BAG6: variants seen among roughly 807,000 people sequenced by gnomAD.
BAG6 encodes BAG cochaperone 6.
Under a neutral mutation model 121.0 loss-of-function variants are expected in BAG6, and 22 were observed. That is an observed-to-expected ratio of 0.18 (90% CI 0.13 to 0.26). The LOEUF is 0.26. BAG6 is among the 10% of genes least tolerant of loss of function. BAG6 has a pLI of 1.00. For missense variants in BAG6, 1,233 were observed against 1,537.7 expected (o/e 0.80, Z 3.31); for synonymous variants, 583 against 584.6 (o/e 1.00, Z 0.04).
chr6:31,649,753 C>T (rs1289011148), intron 2 of BAG6, 126 bp from the exon 3 acceptor site: 18 of 779,238 alleles, frequency 2.3e-5, no homozygotes, highest in Non-Finnish European at 8.8e-6. Flanking sequence ...TTGTCTTGAC[C>T]GTGAGATCAT....
rs9281540 is a variant in BAG6 at position 31,643,721 on chromosome 6, C to CAAAAAAAAAAAA, written c.1756+157_1756+168dup. ...CTAGCAACAGAGTGAGACTCCATCT[C>CAAAAAAAAAAAA]AAAAAAAAAAAAAAAAAAAAAAAAA... On this transcript the variant is annotated intron_variant, in intron 14 of 25. Transcript: ENST00000676615. Among the ~76,000 whole-genome samples the CAAAAAAAAAAAA allele has an allele frequency of 1.8e-3, 122 of 66,262 alleles. 5 individuals are homozygous for CAAAAAAAAAAAA. The highest frequency in any genetic ancestry group is 3.5e-3 in the African/African-American group (33 of 9,384). 43.5% of individuals were successfully genotyped at this position (66,262 alleles called of 152,430 possible). A position where few individuals can be genotyped will look rare whatever the true frequency, so the allele number is the denominator to read the frequency against.
Position 31,644,157 on chromosome 6 carries a change from C to G in BAG6, c.1593G>C (p.Arg531=). The change falls in exon 13 of 26, where the codon CGG becomes CGC. Residue 531 remains arginine, a synonymous_variant. Coordinates refer to ENST00000676615, the MANE Select transcript of BAG6 (RefSeq NM_001387994.1). This position sits in a 1 kb window ranked among gnomAD's most constrained non-coding sequence, Gnocchi z 4.9. The stretch of plus-strand genomic sequence containing the variant: ...GAGGAGTGGGCCGGGCAATCACCAC[C>G]CGGGTTGGAGCTGTTGGGAAGCCTG... ...QVPGFPTAPT[R]VVIARPTPPQ... The G allele has an allele frequency of 6.2e-7, 1 of 1,613,990 alleles. No homozygotes were observed. The highest frequency in any genetic ancestry group is 8.5e-7 in the Non-Finnish European group (1 of 1,179,976).
chr6:31,643,024 G>A lies in BAG6; in HGVS notation c.1848C>T (p.Pro616=), dbSNP rs759687609. 1.3e-5 allele frequency: 21 copies of A among 1,589,176 alleles called. 1 individual carries two copies. Among genetic ancestry groups the A allele is most frequent in the South Asian group, 8.0e-5 (7 of 87,488 alleles). Residue 616 remains proline, a synonymous_variant, in exon 15 of 26, where the codon CCC becomes CCT. Coordinates refer to ENST00000676615, the MANE Select transcript of BAG6 (RefSeq NM_001387994.1). Reference sequence around the variant, plus strand: ...GAGGCTGGGCAGGCCCCCCAGGAGCGGGGCCAGCTGTGGTAGCTGTGTTGG... The same window carrying A: ...GAGGCTGGGCAGGCCCCCCAGGAGCAGGGCCAGCTGTGGTAGCTGTGTTGG... ...GTTNTATTAG[P]APGGPAQPPP... is the part of the protein sequence containing the mutation.
rs1258499978 is a variant in BAG6, at chr6:31,644,221, A to T, written c.1556-27T>A. 6.2e-7 allele frequency: 1 copy of T among 1,601,610 alleles called. No individual in the cohort carries two copies. The highest frequency in any genetic ancestry group is 1.1e-5 in the South Asian group (1 of 89,434). On this transcript the variant is annotated intron_variant, in intron 12 of 25. Coordinates refer to ENST00000676615, the MANE Select transcript of BAG6 (RefSeq NM_001387994.1). This position sits in a 1 kb window ranked among gnomAD's most constrained non-coding sequence, Gnocchi z 4.9. ...TGTGGGTGGCAGAAGAGACAGACCG[A>T]AGAGGGCTGAGGGCCAGGCCCTTGC...
At position 31,644,987 on chromosome 6, in the gene BAG6, T is replaced by C. The variant is rs1164238863; in HGVS notation, c.1328A>G (p.Gln443Arg). The C allele has an allele frequency of 1.2e-6, 2 of 1,606,064 alleles. No homozygotes were observed. The highest frequency in any genetic ancestry group is 2.2e-5 in the South Asian group (2 of 90,462). The change falls in exon 10 of 26, where the codon CAG becomes CGG. Residue 443 changes from glutamine to arginine, a missense_variant. By Grantham distance (43) the Gln-to-Arg change is conservative (BLOSUM62 1). Coordinates refer to ENST00000676615, the MANE Select transcript of BAG6 (RefSeq NM_001387994.1). This position sits in a 1 kb window ranked among gnomAD's most constrained non-coding sequence, Gnocchi z 4.9. ...CATCATGACCACGGGTTCCACACTC[T>C]GGTGGGAAATCCGGATGACCCTCGG... is the stretch of plus-strand genomic sequence containing the variant. ...SHPRVIRISH[Q>R]SVEPVVMMHM...
At chr6:31,648,615 C>G in intron 6 of BAG6, 62 bp downstream of exon 6, 1 of 1,554,332 alleles carries the variant, frequency 6.4e-7, no homozygotes, top group Non-Finnish European at 8.8e-7. Flanking sequence ...CCCTAACTCC[C>G]AGGCTGAGAG....
rs953134030 is a variant in BAG6, at chr6:31,652,435, G to A, written c.-25C>T. On this transcript the variant is annotated 5_prime_UTR_variant, in exon 1 of 26. Coordinates refer to ENST00000676615, the MANE Select transcript of BAG6 (RefSeq NM_001387994.1). ...GGTCTCCCCCAAACCTGCCACCGAC[G>A]GCCACTTCCGTTTCCCCGATAGTAT... 2 of 150,016 alleles carry A rather than the reference G, an allele frequency of 1.3e-5. No homozygotes were observed. The highest frequency in any genetic ancestry group is 3.0e-5 in the Non-Finnish European group (2 of 67,708). 9.3% of individuals were successfully genotyped at this position (150,016 alleles called of 1,614,324 possible).
At position 31,649,537 on chromosome 6, in the gene BAG6, G is replaced by C. The variant is rs748565610; in HGVS notation, c.199C>G (p.Gln67Glu). Reference sequence around the variant, plus strand: ...TATTCCTGAAGCTTCTTATCATCTTGCAGAACTCGTCCCTGGTAAATGAGC... The same window carrying C: ...TATTCCTGAAGCTTCTTATCATCTTCCAGAACTCGTCCCTGGTAAATGAGC... ...QRLIYQGRVL[Q>E]DDKKLQEYNV... Residue 67 changes from glutamine (Q) to glutamate (E), a missense_variant, in exon 3 of 26, where the codon CAA becomes GAA. By Grantham distance (29) the Gln-to-Glu change is conservative. This residue lies in a region of BAG6 where 6 missense variants were observed against 24.8 expected (regional missense o/e 0.24). Coordinates refer to ENST00000676615, the MANE Select transcript of BAG6 (RefSeq NM_001387994.1). 6.2e-7 allele frequency: 1 copy of C among 1,614,152 alleles called. No individual in the cohort carries two copies. Among genetic ancestry groups the C allele is most frequent in the South Asian group, 1.1e-5 (1 of 91,078 alleles).
In BAG6 at chr6:31,644,488, C is replaced by A; in HGVS notation, c.1447+37G>T. ...CCCACTCAGCCCTTCCCTTTCTCTACCCAGAGCTCAGCCTGCCCTGATGCC... is the reference window on the plus strand; with the variant it reads ...CCCACTCAGCCCTTCCCTTTCTCTAACCAGAGCTCAGCCTGCCCTGATGCC... On this transcript the variant is annotated intron_variant, in intron 11 of 25. Coordinates refer to ENST00000676615, the MANE Select transcript of BAG6 (RefSeq NM_001387994.1). This position sits in a 1 kb window ranked among gnomAD's most constrained non-coding sequence, Gnocchi z 4.9. 1 of 1,592,310 alleles carries A rather than the reference C, an allele frequency of 6.3e-7. No homozygotes were observed. The highest frequency in any genetic ancestry group is 8.5e-7 in the Non-Finnish European group (1 of 1,169,718).
rs747605981 is a variant in BAG6 at position 31,642,328 on chromosome 6, G to A, written c.2119C>T (p.Pro707Ser). The A allele has an allele frequency of 2.0e-5, 31 of 1,553,694 alleles. No homozygotes were observed. The highest frequency in any genetic ancestry group is 2.5e-5 in the Non-Finnish European group (29 of 1,150,306). Residue 707 changes from proline (P) to serine (S), a missense_variant, in exon 16 of 26, where the codon CCA becomes TCA. By Grantham distance (74) the Pro-to-Ser change is moderately conservative. Coordinates refer to ENST00000676615, the MANE Select transcript of BAG6 (RefSeq NM_001387994.1). Reference sequence around the variant, plus strand: ...GCGCCACCAGAAGGGGAGCCTGGTGGGGGCATGGTCTGCTGCTCTGGGGCA... The same window carrying A: ...GCGCCACCAGAAGGGGAGCCTGGTGAGGGCATGGTCTGCTGCTCTGGGGCA... The part of the protein sequence containing the change: ...PPAPEQQTMP[P>S]PGSPSGGAGS...
chr6:31,642,563 C>CA, intron 15 of BAG6, 160 bp from the exon 16 acceptor site: 1 of 629,532 alleles, frequency 1.6e-6, no homozygotes, highest in Non-Finnish European at 2.8e-6. Context: ...AGGTATTTAA[C>CA]AGAGTCAGGC....
At position 31,644,878 on chromosome 6, in the gene BAG6, C is replaced by A. The variant is rs148920512; in HGVS notation, c.1369+68G>T. 13 of 1,536,420 alleles carry A rather than the reference C, an allele frequency of 8.5e-6. No homozygotes were observed. The highest frequency in any genetic ancestry group is 2.0e-4 in the Middle Eastern group (1 of 5,084). On this transcript the variant is annotated intron_variant, in intron 10 of 25. Coordinates refer to ENST00000676615, the MANE Select transcript of BAG6 (RefSeq NM_001387994.1). The surrounding 1 kb of genome is among the most constrained non-coding windows in gnomAD (Gnocchi z 4.9). ...TGCCTCTCCCTTCCCCACCCTGTTC[C>A]CTCACACCTCAGCATGAACCTCCCT...
chr6:31,645,144 T>C lies in BAG6; in HGVS notation c.1171A>G (p.Thr391Ala), dbSNP rs1379807774. Residue 391 changes from threonine (T) to alanine (A), a missense_variant, in exon 10 of 26, where the codon ACT (threonine) becomes GCT (alanine). Thr to Ala is a moderately conservative substitution (Grantham distance 58). Around this residue, in one of 7 missense-constraint regions of BAG6, gnomAD observed 777 missense variants for 861.4 expected, o/e 0.90. Transcript: ENST00000676615. ...GGGGGAGGTGCCTCTGCATTGGGAG[T>C]TGGGGGGGGCCGAGTCCCATTTCCT... ...MTGNGTRPPP[T>A]PNAEAPPPGP... The C allele has an allele frequency of 3.1e-6, 5 of 1,612,450 alleles. No homozygotes were observed. Among genetic ancestry groups the C allele is most frequent in the Admixed American group, 3.3e-5 (2 of 59,980 alleles).
Position 31,641,496 on chromosome 6 carries a change from G to C in BAG6, c.2559+43C>G. The C allele has an allele frequency of 6.2e-7, 1 of 1,613,734 alleles. No individual in the cohort carries two copies. Among genetic ancestry groups the C allele is most frequent in the South Asian group, 1.1e-5 (1 of 91,072 alleles). ...TGGGAGTGGAGGAGGCAGCTGCCTT[G>C]ACCAGACCCAGGAGAGGAAAGGAAT... is the stretch of plus-strand genomic sequence containing the variant. On this transcript the variant is annotated intron_variant, in intron 18 of 25. Coordinates refer to ENST00000676615, the MANE Select transcript of BAG6 (RefSeq NM_001387994.1). This position sits in a 1 kb window ranked among gnomAD's most constrained non-coding sequence, Gnocchi z 5.7.
chr6:31,643,914 G>T lies in BAG6; in HGVS notation c.1732C>A (p.Leu578Ile), dbSNP rs759147350. 2 of 1,613,370 alleles carry T rather than the reference G, an allele frequency of 1.2e-6. No homozygotes were observed. The highest frequency in any genetic ancestry group is 1.7e-6 in the Non-Finnish European group (2 of 1,179,998). ...CCCACAAGGACTGGCTGCATAAGAA[G>T]CTGCCCCACAAGGCCGCTCACCATC... Reference protein sequence around the residue: ...AQMVSGLVGQLLMQPVLVAQG... With the variant: ...AQMVSGLVGQILMQPVLVAQG... Residue 578 changes from leucine (L) to isoleucine (I), a missense_variant, in exon 14 of 26, where the codon CTT becomes ATT. By Grantham distance (5) the Leu-to-Ile change is conservative (BLOSUM62 2). This residue lies in a region of BAG6 where 777 missense variants were observed against 861.4 expected (regional missense o/e 0.90). Transcript: ENST00000676615.
In BAG6 at chr6:31,645,524, T is replaced by C; in HGVS notation, c.999A>G (p.Ala333=). 1.2e-6 allele frequency: 2 copies of C among 1,613,152 alleles called. No individual in the cohort carries two copies. The highest frequency in any genetic ancestry group is 2.7e-5 in the African/African-American group (2 of 75,068). Reference sequence around the variant, plus strand: ...CCAGATTGCAGCGCAGGTCAGACAGTGCAACAAAGGTGTTGCCCAGCAGTC... The same window carrying C: ...CCAGATTGCAGCGCAGGTCAGACAGCGCAACAAAGGTGTTGCCCAGCAGTC... ...SLRLLGNTFV[A]LSDLRCNLAC... is the part of the protein sequence containing the mutation. Residue 333 remains alanine, a synonymous_variant, in exon 9 of 26, where the codon GCA becomes GCG. Coordinates refer to ENST00000676615, the MANE Select transcript of BAG6 (RefSeq NM_001387994.1).
In BAG6 at chr6:31,641,621, C is replaced by G. The variant is rs1319890867; in HGVS notation, c.2506-29G>C. 6 of 1,614,032 alleles carry G rather than the reference C, an allele frequency of 3.7e-6. No homozygotes were observed. The East Asian group carries it at 1.3e-4, about 36-fold the overall frequency. ...TGGAGGAAACAGAACAGGTTTAGTT[C>G]AAAGCCTCAGTCCTCCCAAGACTTC... On this transcript the variant is annotated intron_variant, in intron 17 of 25. Coordinates refer to ENST00000676615, the MANE Select transcript of BAG6 (RefSeq NM_001387994.1). This position sits in a 1 kb window ranked among gnomAD's most constrained non-coding sequence, Gnocchi z 5.7.
intron 15 of BAG6, 51 bp downstream of exon 15, chr6:31,642,777 TG>T: frequency 6.3e-7 from 1 of 1,591,250 alleles, no homozygotes; most frequent in Non-Finnish European, 8.5e-7. Flanking sequence ...TACCACTGCC[TG>T]GCTGGGCCGG....
At chr6:31,639,349 G>A (rs1393766748) in intron 25 of BAG6, 123 bp from the exon 26 acceptor site, 8 of 1,437,482 alleles carry the variant, frequency 5.6e-6, no homozygotes, top group African/African-American at 4.2e-5. Flanking sequence ...CAAATAGCCC[G>A]GGGTGGCACT....
Sources: allele counts gnomAD v4.1 joint callset (sites outside exome capture counted in the v4.1 genomes callset), GRCh38; gene constraint gnomAD v4.1.1; regional missense constraint gnomAD v4.1.1; non-coding constraint Gnocchi (gnomAD v3.1); transcripts MANE v1.5; gene names NCBI Gene and HGNC (gene_info 2026-07-23, HGNC 2026-07-21).